SUMF1: variants seen among roughly 807,000 people sequenced by gnomAD.
SUMF1 encodes the protein formylglycine-generating enzyme.
A neutral mutation model predicts 47.6 loss-of-function variants in SUMF1; 48 were observed. The ratio of observed to expected loss-of-function variants is 1.01; its 90% CI spans 0.80 to 1.28. The LOEUF is 1.28. Ranked by LOEUF, SUMF1 falls within the 50% of genes most tolerant of loss-of-function variation. SUMF1 has a pLI of 0.00. For missense variants in SUMF1, 571 were observed against 485.4 expected, an observed-to-expected ratio of 1.18 and a Z score of -1.66; for synonymous variants, 230 against 192.1, an observed-to-expected ratio of 1.20 and a Z score of -1.63.
rs138420704 is a variant in SUMF1 at position 4,115,589 on chromosome 3, C to A, written c.1015-46844G>T. ...ACCTGCCAGTATGATGCATGTTCCT[C>A]CGACGGGTTTGGGCGAGCCACACCC... On this transcript the variant is annotated intron_variant and NMD_transcript_variant, in intron 8 of 12. Transcript: ENST00000448413. Among the ~76,000 whole-genome samples the A allele has an allele frequency of 1.1e-3, 163 of 152,128 alleles. 1 individual carries two copies. The highest frequency in any genetic ancestry group is 1.7e-3 in the Non-Finnish European group (116 of 68,020).
At chr3:4,138,780 G>A (rs183141682) in intron 8 of SUMF1, among the ~76,000 whole-genome samples, 1 of 152,014 alleles carries the variant, frequency 6.6e-6, no homozygotes, top group East Asian at 1.9e-4. Flanking sequence ...TGTAATTATG[G>A]TTATAGCGAG....
At chr3:4,394,562 C>A (rs1183389320) in intron 7 of SUMF1, among the ~76,000 whole-genome samples, 1 of 152,156 alleles carries the variant, frequency 6.6e-6, no homozygotes, top group Admixed American at 6.6e-5. Context: ...GTTAATGTCC[C>A]AGCTTTGTAA....
At chr3:4,333,195 A>G (rs1206677981) in intron 8 of SUMF1, among the ~76,000 whole-genome samples, 1 of 152,224 alleles carries the variant, frequency 6.6e-6, no homozygotes, top group Non-Finnish European at 1.5e-5. Context: ...CCTTGCAGAA[A>G]GGCAGAGGGT....
At chr3:4,261,123 G>A (rs1404676068) in intron 8 of SUMF1, among the ~76,000 whole-genome samples, 1 of 152,174 alleles carries the variant, frequency 6.6e-6, no homozygotes, top group African/African-American at 2.4e-5. Flanking sequence ...TAAAGACAAA[G>A]CAAGGAAACA....
At chr3:4,120,359 G>T (rs576987764) in intron 8 of SUMF1, among the ~76,000 whole-genome samples, 1 of 152,236 alleles carries the variant, frequency 6.6e-6, no homozygotes, top group Non-Finnish European at 1.5e-5. Context: ...AAGCTTGTTA[G>T]ATCTCACAAT....
At chr3:4,048,010 C>G (rs77364067) in intron 9 of SUMF1, among the ~76,000 whole-genome samples, 7,899 of 152,116 alleles carry the variant, frequency 0.052, 712 homozygotes, top group African/African-American at 0.18. Context: ...GAGGCACCTT[C>G]CCCAAGGTCA....
At chr3:4,221,724 T>A (rs947782718) in intron 8 of SUMF1, among the ~76,000 whole-genome samples, 3 of 152,106 alleles carry the variant, frequency 2.0e-5, no homozygotes, top group African/African-American at 7.2e-5. Flanking sequence ...TCTGCCCTCA[T>A]GATGTGTAAA....
At chr3:4,096,115 C>T (rs1692897093) in intron 8 of SUMF1, among the ~76,000 whole-genome samples, 2 of 152,114 alleles carry the variant, frequency 1.3e-5, no homozygotes, top group Non-Finnish European at 2.9e-5. Context: ...ACTGTATGGT[C>T]TTTAAGCTAT....
chr3:4,378,010 A>G (rs1575152054), intron 7 of SUMF1, among the ~76,000 whole-genome samples: 2 of 152,362 alleles, frequency 1.3e-5, no homozygotes, highest in Middle Eastern at 3.4e-3. Context: ...AATGTAAACC[A>G]TGTGGGCAGA....
intron 9 of SUMF1, among the ~76,000 whole-genome samples, chr3:4,035,894 T>C (rs374606540): frequency 9.9e-5 from 15 of 152,028 alleles, no homozygotes; most frequent in African/African-American, 3.6e-4. Context: ...TTAGAGACAC[T>C]GCAGTTTAGG....
At chr3:4,403,627 A>G (rs1338666226) in intron 7 of SUMF1, among the ~76,000 whole-genome samples, 1 of 152,196 alleles carries the variant, frequency 6.6e-6, no homozygotes, top group Admixed American at 6.6e-5. Context: ...ATACATTCTT[A>G]TTCTCAGCAA....
chr3:4,408,919 G>A lies in SUMF1; in HGVS notation c.954+1946C>T, dbSNP rs372023445. 1.5e-3 allele frequency among the ~76,000 whole-genome samples: 221 copies of A among 151,940 alleles called. 1 individual carries two copies. Among genetic ancestry groups the A allele is most frequent in the African/African-American group, 5.0e-3 (207 of 41,410 alleles). On this transcript the variant is annotated intron_variant, in intron 7 of 8. Transcript: ENST00000272902. ...AGAGGCTGCAGTGAGCTGAGATCACGCCACTGCACTCCAGCCTGAGGGATA... is the reference window on the plus strand; with the variant it reads ...AGAGGCTGCAGTGAGCTGAGATCACACCACTGCACTCCAGCCTGAGGGATA...
intron 8 of SUMF1, among the ~76,000 whole-genome samples, chr3:4,108,606 C>T (rs1160926835): frequency 6.6e-6 from 1 of 152,030 alleles, no homozygotes; most frequent in African/African-American, 2.4e-5. Flanking sequence ...TCTGGGTGCT[C>T]CCATATTGGG....
chr3:4,059,773 G>T (rs1328119515), intron 9 of SUMF1, among the ~76,000 whole-genome samples: 1 of 149,890 alleles, frequency 6.7e-6, no homozygotes, highest in Non-Finnish European at 1.5e-5. Context: ...ATCCATGTTA[G>T]GAATTTAAAA....
chr3:4,360,413 C>T (rs113236781), downstream of SUMF1, among the ~76,000 whole-genome samples: 372 of 152,038 alleles, frequency 2.4e-3, 3 homozygotes, highest in African/African-American at 7.8e-3. Flanking sequence ...CTGCAACCTC[C>T]GCCTTCCAGG....
chr3:4,290,583 C>G (rs569414811), intron 8 of SUMF1, among the ~76,000 whole-genome samples: 1 of 152,090 alleles, frequency 6.6e-6, no homozygotes, highest in African/African-American at 2.4e-5. Context: ...GGTCTTCTGC[C>G]CCAAATCTAC....
At chr3:4,238,757 G>C (rs1478146142) in intron 8 of SUMF1, among the ~76,000 whole-genome samples, 1 of 152,128 alleles carries the variant, frequency 6.6e-6, no homozygotes, top group East Asian at 1.9e-4. Context: ...TTCTTTTGCT[G>C]TGCAGAAGCT....
At chr3:4,304,857 C>T (rs1698121423) in intron 8 of SUMF1, among the ~76,000 whole-genome samples, 1 of 151,674 alleles carries the variant, frequency 6.6e-6, no homozygotes, top group Non-Finnish European at 1.5e-5. Context: ...AACATGTGTC[C>T]CAGGTGGTTA....
Position 4,425,441 on chromosome 3 carries a change from A to C in SUMF1, c.520-5295T>G, listed in dbSNP as rs189331162. 3.3e-5 allele frequency among the ~76,000 whole-genome samples: 5 copies of C among 152,298 alleles called. No individual in the cohort carries two copies. The East Asian group carries it at 9.7e-4, about 29-fold the overall frequency. On this transcript the variant is annotated intron_variant, in intron 3 of 8. Transcript: ENST00000272902. The stretch of plus-strand genomic sequence containing the variant: ...ATTACATGTTACAATATTCTCTTAG[A>C]GCTTTCAGAGAACATATATTCTAAT...
Sources: allele counts gnomAD v4.1 joint callset (sites outside exome capture counted in the v4.1 genomes callset), GRCh38; gene constraint gnomAD v4.1.1; transcripts MANE v1.5; gene names NCBI Gene and HGNC (gene_info 2026-07-23, HGNC 2026-07-21).